Variants in CNTN3 observed in about 807,000 individuals in gnomAD.
CNTN3 encodes the protein contactin 3, also known as contactin-3.
A neutral mutation model predicts 119.1 loss-of-function variants in CNTN3; 60 were observed. The ratio of observed to expected loss-of-function variants is 0.50; its 90% CI spans 0.41 to 0.62. The LOEUF (loss-of-function observed/expected upper bound fraction) is 0.62. Ranked by LOEUF, CNTN3 falls within the 20% of genes least tolerant of loss-of-function variation. The pLI is 0.00. For synonymous variants in CNTN3, 450 were observed against 438.7 expected, an observed-to-expected ratio of 1.03 and a Z score of -0.32; for missense variants, 1,101 against 1,242.4, an observed-to-expected ratio of 0.89 and a Z score of 1.71.
At chr3:74,432,341 TG>T (rs1342918058) in intron 4 of CNTN3, among the ~76,000 whole-genome samples, 1 of 151,596 alleles carries the variant, frequency 6.6e-6, no homozygotes, top group Non-Finnish European at 1.5e-5. Context: ...AGAATTGTCT[TG>T]GGCCACACAT....
intron 13 of CNTN3, among the ~76,000 whole-genome samples, chr3:74,332,122 T>G (rs1703279291): frequency 6.6e-6 from 1 of 152,232 alleles, no homozygotes; most frequent in Non-Finnish European, 1.5e-5. Flanking sequence ...ATCAGCCTCC[T>G]TGTTCACATT....
At chr3:74,593,137 C>A (rs928785431) in intron 1 of CNTN3, among the ~76,000 whole-genome samples, 2 of 151,906 alleles carry the variant, frequency 1.3e-5, no homozygotes, top group Admixed American at 1.3e-4. Flanking sequence ...TATAGCTTGG[C>A]AAATTTGTTT....
chr3:74,485,542 C>T (rs531305621), intron 4 of CNTN3, among the ~76,000 whole-genome samples: 1 of 152,098 alleles, frequency 6.6e-6, no homozygotes, highest in East Asian at 1.9e-4. Flanking sequence ...ATAGGCTAGA[C>T]ATTAAATGAC....
intron 1 of CNTN3, among the ~76,000 whole-genome samples, chr3:74,559,778 T>C (rs1039242557): frequency 2.6e-5 from 4 of 151,926 alleles, no homozygotes; most frequent in Admixed American, 2.0e-4. Context: ...TTCCTGATTA[T>C]ACCATGCAAT....
intron 1 of CNTN3, among the ~76,000 whole-genome samples, chr3:74,551,155 C>T (rs1202025750): frequency 1.3e-5 from 2 of 152,158 alleles, no homozygotes; most frequent in East Asian, 1.9e-4. Context: ...CCTTAGCTAA[C>T]GTCACTATCC....
At chr3:74,325,559 G>T (rs1288031397) in intron 13 of CNTN3, among the ~76,000 whole-genome samples, 1 of 152,068 alleles carries the variant, frequency 6.6e-6, no homozygotes, top group Non-Finnish European at 1.5e-5. Context: ...TGGGGAAGCA[G>T]GACCCCTTTA....
intron 4 of CNTN3, among the ~76,000 whole-genome samples, chr3:74,460,838 T>A (rs34589785): frequency 4.4e-4 from 61 of 137,330 alleles, no homozygotes; most frequent in Admixed American, 9.0e-4. Context: ...TTCTTTCTTT[T>A]TTTTTTGCCT....
intron 1 of CNTN3, among the ~76,000 whole-genome samples, chr3:74,590,701 T>C (rs73842134): frequency 0.016 from 2,495 of 152,160 alleles, 69 homozygotes; most frequent in African/African-American, 0.057. Context: ...CATTGTTTTC[T>C]GAGCTTACAA....
At chr3:74,382,589 G>C (rs548320318) in intron 5 of CNTN3, among the ~76,000 whole-genome samples, 1 of 152,034 alleles carries the variant, frequency 6.6e-6, no homozygotes, top group Non-Finnish European at 1.5e-5. Flanking sequence ...GACTTTTCTA[G>C]ATGCCAAGTG....
chr3:74,543,839 G>T (rs1009947036), intron 1 of CNTN3, among the ~76,000 whole-genome samples: 1 of 151,888 alleles, frequency 6.6e-6, no homozygotes, highest in Non-Finnish European at 1.5e-5. Flanking sequence ...TGAGACAGTC[G>T]AAAAAAAGAA....
chr3:74,265,168 A>G (rs932857599), intron 22 of CNTN3, among the ~76,000 whole-genome samples: 1 of 152,138 alleles, frequency 6.6e-6, no homozygotes, highest in East Asian at 1.9e-4. Flanking sequence ...ATAAAACATA[A>G]TCTTTTTAAA....
intron 1 of CNTN3, among the ~76,000 whole-genome samples, chr3:74,575,642 C>CACACACACACAG (rs1185362367): frequency 6.6e-5 from 10 of 151,424 alleles, no homozygotes; most frequent in African/African-American, 2.4e-4. Context: ...CACACACACA[C>CACACACACACAG]AGTTCAAACT....
At chr3:74,465,264 T>C (rs1305057220) in intron 4 of CNTN3, among the ~76,000 whole-genome samples, 1 of 152,134 alleles carries the variant, frequency 6.6e-6, no homozygotes, top group Non-Finnish European at 1.5e-5. Flanking sequence ...ATACAAAGAA[T>C]ACCAAATGAT....
chr3:74,298,586 A>G (rs940059677), intron 17 of CNTN3, among the ~76,000 whole-genome samples: 2 of 149,610 alleles, frequency 1.3e-5, no homozygotes, highest in Non-Finnish European at 3.0e-5. Flanking sequence ...GATTAAGAAC[A>G]ATTAAGTAAA....
intron 4 of CNTN3, among the ~76,000 whole-genome samples, chr3:74,436,654 C>T (rs1701871344): frequency 1.3e-5 from 2 of 152,238 alleles, no homozygotes; most frequent in Admixed American, 6.5e-5. Context: ...AATATAAAGG[C>T]TTTTGAAAAG....
chr3:74,369,217 A>G lies in CNTN3; in HGVS notation c.918T>C (p.Asn306=), dbSNP rs761643976. 11 of 1,605,516 alleles carry G rather than the reference A, an allele frequency of 6.9e-6. No individual in the cohort carries two copies. In the East Asian group the frequency reaches 1.6e-4, roughly 23 times the overall value. The change falls in exon 8 of 23, where the codon AAT becomes AAC. Residue 306 remains asparagine (N), a synonymous_variant. Transcript: ENST00000263665. ...ECIAENSRGK[N]VARGRLTYYA... ...AGTAAGTGAGACGCCCTCTGGCAAC[A>G]TTTTTTCCTCGTGAATTCTCAGCAA...
chr3:74,492,595 C>A (rs1421746518), intron 3 of CNTN3, among the ~76,000 whole-genome samples: 2 of 152,136 alleles, frequency 1.3e-5, no homozygotes, highest in Non-Finnish European at 1.5e-5. Flanking sequence ...GCATAATATA[C>A]CTGACATAGG....
chr3:74,546,487 C>CTT (rs1703917359), intron 1 of CNTN3, among the ~76,000 whole-genome samples: 1 of 152,168 alleles, frequency 6.6e-6, no homozygotes, highest in African/African-American at 2.4e-5. Context: ...TAATCAGCTG[C>CTT]CAGCACAGCT....
intron 2 of CNTN3, among the ~76,000 whole-genome samples, chr3:74,503,028 G>C (rs184122943): frequency 6.6e-6 from 1 of 152,102 alleles, no homozygotes; most frequent in Non-Finnish European, 1.5e-5. Context: ...CTATTTTACA[G>C]CTAGTGATTG....
Sources: allele counts gnomAD v4.1 joint callset (sites outside exome capture counted in the v4.1 genomes callset), GRCh38; gene constraint gnomAD v4.1.1; transcripts MANE v1.5; gene names NCBI Gene and HGNC (gene_info 2026-07-23, HGNC 2026-07-21).